The following RBFOX3 variants were observed in gnomAD, a reference collection of about 807,000 sequenced individuals.
RBFOX3 encodes the protein RNA binding fox-1 homolog 3.
Under a neutral mutation model 48.7 loss-of-function variants are expected in RBFOX3, and 17 were observed. The observed-to-expected ratio is 0.35, with a 90% confidence interval of 0.24 to 0.52. RBFOX3 has a LOEUF of 0.52. Ranked by LOEUF, RBFOX3 falls within the 20% of genes least tolerant of loss-of-function variation. RBFOX3 has a pLI of 0.94. For synonymous variants in RBFOX3, 212 were observed against 209.5 expected, an observed-to-expected ratio of 1.01 and a Z score of -0.10; for missense variants, 382 against 497.5, an observed-to-expected ratio of 0.77 and a Z score of 2.21.
intron 2 of RBFOX3, among the ~76,000 whole-genome samples, chr17:79,434,233 G>A (rs1399926150): frequency 2.0e-5 from 3 of 152,208 alleles, no homozygotes; most frequent in African/African-American, 7.2e-5. Context: ...TTTTTTTGCT[G>A]CTCTGCACAG....
At chr17:79,379,414 C>T (rs1264788622) in intron 2 of RBFOX3, among the ~76,000 whole-genome samples, 12 of 152,124 alleles carry the variant, frequency 7.9e-5, no homozygotes, top group Admixed American at 3.9e-4. Context: ...ACCCCGTTTT[C>T]GTTTTGTTTT....
chr17:79,143,319 G>T (rs1454482568), intron 4 of RBFOX3, among the ~76,000 whole-genome samples: 1 of 148,922 alleles, frequency 6.7e-6, no homozygotes, highest in Non-Finnish European at 1.5e-5. Flanking sequence ...GTTCCTGGGG[G>T]ACCTGGATAT....
At chr17:79,285,761 G>A (rs1026542161) in intron 3 of RBFOX3, among the ~76,000 whole-genome samples, 1 of 152,124 alleles carries the variant, frequency 6.6e-6, no homozygotes, top group African/African-American at 2.4e-5. Flanking sequence ...TCAGCTCATT[G>A]CAACCTCCGC....
At chr17:79,287,090 A>G in intron 3 of RBFOX3, among the ~76,000 whole-genome samples, 1 of 152,270 alleles carries the variant, frequency 6.6e-6, no homozygotes, top group South Asian at 2.1e-4. Context: ...AGCTTTACCC[A>G]GAGGACAACT....
intron 2 of RBFOX3, among the ~76,000 whole-genome samples, chr17:79,320,678 C>A (rs971872842): frequency 3.3e-5 from 5 of 152,078 alleles, no homozygotes; most frequent in African/African-American, 1.2e-4. Context: ...TGCTCACCAC[C>A]CTCTGGGCGT....
At chr17:79,410,986 C>T (rs2064237312) in intron 2 of RBFOX3, among the ~76,000 whole-genome samples, 1 of 152,176 alleles carries the variant, frequency 6.6e-6, no homozygotes, top group Non-Finnish European at 1.5e-5. Flanking sequence ...CATCTGGAGA[C>T]CTGGGCTGAG....
Position 79,094,542 on chromosome 17 carries a change from G to T in RBFOX3, c.999-13C>A. ...GACTCTGCCGTAACTAGGGAAGAGC[G>T]TGGGAGGGGGAGTGGGAGGAGGGTG... On this transcript the variant is annotated splice_polypyrimidine_tract_variant and intron_variant, in intron 13 of 14. Transcript: ENST00000693108. 8.1e-7 allele frequency: 1 copy of T among 1,230,638 alleles called. No individual in the cohort carries two copies. Among genetic ancestry groups the T allele is most frequent in the Non-Finnish European group, 1.1e-6 (1 of 930,984 alleles). 76.2% of individuals were successfully genotyped at this position (1,230,638 alleles called of 1,614,324 possible).
At position 79,362,882 on chromosome 17, in the gene RBFOX3, C is replaced by T. The variant is rs576182275; in HGVS notation, c.-174-55058G>A. 1.3e-5 allele frequency among the ~76,000 whole-genome samples: 2 copies of T among 152,242 alleles called. No individual in the cohort carries two copies. The highest frequency in any genetic ancestry group is 6.5e-5 in the Admixed American group (1 of 15,302). On this transcript the variant is annotated intron_variant, in intron 2 of 14. Coordinates refer to ENST00000693108, the MANE Select transcript of RBFOX3 (RefSeq NM_001350451.2). The surrounding 1 kb of genome is among the most constrained non-coding windows in gnomAD (Gnocchi z 4.2). ...GTGCAGACCTCATTCTCGGACACTT[C>T]GAGGCCACACAGGTGTGAGAGGTCC... is the stretch of plus-strand genomic sequence containing the variant.
chr17:79,104,284 G>A (rs758256436), intron 6 of RBFOX3, among the ~76,000 whole-genome samples, 158 bp from the exon 7 acceptor site: 62 of 152,166 alleles, frequency 4.1e-4, no homozygotes, highest in Admixed American at 1.2e-3. Context: ...TCCCACCCCT[G>A]GCCATGGAGC....
the RBFOX3 span, among the ~76,000 whole-genome samples, chr17:79,654,729 C>T: frequency 6.6e-6 from 1 of 152,168 alleles, no homozygotes; most frequent in Admixed American, 6.5e-5. Flanking sequence ...CAGGGGAGGG[C>T]CCCTTTTTTA....
chr17:79,561,277 CA>C (rs1268931258), intron 1 of RBFOX3, among the ~76,000 whole-genome samples: 4 of 152,136 alleles, frequency 2.6e-5, no homozygotes. Context: ...AAGGGAGTGT[CA>C]GGGGTGCCAG....
chr17:79,114,604 G>A (rs968849089), intron 5 of RBFOX3, among the ~76,000 whole-genome samples: 20 of 152,244 alleles, frequency 1.3e-4, no homozygotes, highest in African/African-American at 4.8e-4. Context: ...CAGTCGGGAG[G>A]GGGACCCCCA....
intron 1 of RBFOX3, among the ~76,000 whole-genome samples, chr17:79,554,949 T>A (rs1437096379): frequency 1.1e-4 from 16 of 152,226 alleles, no homozygotes; most frequent in African/African-American, 3.9e-4. Context: ...CTCAGCCTCA[T>A]GAACAGCTAA....
In RBFOX3 at chr17:79,097,729, T is replaced by C. The variant is rs896392261; in HGVS notation, c.585A>G (p.Pro195=). ...CAGGCCCGTAGACTGCGCCGACCAC[T>C]GGATTTAGCTTCCAGCCTAAAACAA... The part of the protein sequence containing the change: ...NPYTNGWKLN[P]VVGAVYGPEF... Residue 195 remains proline (P), a synonymous_variant, in exon 10 of 15, where the codon CCA becomes CCG. Coordinates refer to ENST00000693108, the MANE Select transcript of RBFOX3 (RefSeq NM_001350451.2). The C allele has an allele frequency of 1.3e-6, 2 of 1,484,452 alleles. No homozygotes were observed. Among genetic ancestry groups the C allele is most frequent in the African/African-American group, 1.4e-5 (1 of 70,846 alleles). 92.0% of individuals were successfully genotyped at this position (1,484,452 alleles called of 1,614,324 possible). A position where few individuals can be genotyped will look rare whatever the true frequency, so the allele number is the denominator to read the frequency against.
At chr17:79,377,152 C>T (rs545637643) in intron 2 of RBFOX3, among the ~76,000 whole-genome samples, 2 of 152,316 alleles carry the variant, frequency 1.3e-5, no homozygotes, top group Admixed American at 1.3e-4. Context: ...TCTGGCTTTC[C>T]ACTGCCCAGC....
chr17:79,276,353 T>A (rs1238703833), intron 3 of RBFOX3, among the ~76,000 whole-genome samples: 4 of 152,336 alleles, frequency 2.6e-5, no homozygotes, highest in South Asian at 4.1e-4. Context: ...GTGAATGGCT[T>A]GTGAATTGTT....
At chr17:79,656,032 G>A in the RBFOX3 span, among the ~76,000 whole-genome samples, 2 of 152,112 alleles carry the variant, frequency 1.3e-5, no homozygotes, top group Non-Finnish European at 2.9e-5. Context: ...TTTAGGCTGG[G>A]CTCCCCGTCC....
chr17:79,194,939 G>A (rs1161095431), intron 4 of RBFOX3, among the ~76,000 whole-genome samples: 1 of 107,874 alleles, frequency 9.3e-6, no homozygotes, highest in Non-Finnish European at 2.1e-5. Flanking sequence ...TTCTCAATGT[G>A]GGTGCTGAAG....
At chr17:79,452,296 G>A (rs2073669814) in intron 2 of RBFOX3, among the ~76,000 whole-genome samples, 1 of 152,148 alleles carries the variant, frequency 6.6e-6, no homozygotes, top group African/African-American at 2.4e-5. Flanking sequence ...GCAGGATGGA[G>A]GCCCACCCTG....
Sources: gnomAD v4.1 joint callset for allele counts (sites outside exome capture counted in the v4.1 genomes callset) on GRCh38, gnomAD v4.1.1 for gene constraint, Gnocchi (gnomAD v3.1) non-coding constraint, MANE v1.5 for transcripts, NCBI Gene and HGNC (gene_info 2026-07-23, HGNC 2026-07-21) for gene names.